Variants in PMM2 observed in about 807,000 individuals in gnomAD.
PMM2 encodes the protein mannose-6-phosphate isomerase.
PMM2 carries 35 observed loss-of-function variants against 33.2 expected under a neutral mutation model. That is an observed-to-expected ratio of 1.06 (90% CI 0.81 to 1.40). The LOEUF is 1.40. PMM2 is among the 40% of genes most tolerant of loss of function. The pLI is 0.00. For synonymous variants in PMM2, 153 were observed against 114.7 expected (o/e 1.33, Z -2.13); for missense variants, 386 against 306.0 (o/e 1.26, Z -1.95).
chr16:8,848,499 G>A lies in PMM2; in HGVS notation c.*674G>A, dbSNP rs886052465. The stretch of plus-strand genomic sequence containing the variant: ...TTTGCACCTCGGCTGGGCCGGATTC[G>A]GACCGGCTCTGTGTTCACTACACTC... On this transcript the variant is annotated 3_prime_UTR_variant, in exon 8 of 8. Coordinates refer to ENST00000268261, the MANE Select transcript of PMM2 (RefSeq NM_000303.3). 2 of 154,842 alleles carry A rather than the reference G, an allele frequency of 1.3e-5. No homozygotes were observed. Among genetic ancestry groups the A allele is most frequent in the Admixed American group, 6.3e-5 (1 of 15,918 alleles). The allele number at this position is 154,842 out of a possible 1,614,324, so 9.6% of individuals were successfully genotyped here. A position where few individuals can be genotyped will look rare whatever the true frequency, so the allele number is the denominator to read the frequency against.
Position 8,811,170 on chromosome 16 carries a change from C to T in PMM2, c.439C>T (p.Leu147Phe), listed in dbSNP as rs1249269689. The stretch of plus-strand genomic sequence containing the variant: ...AGAAGAACGCATTGAGTTCTACGAA[C>T]TCGATAAAGTACGTCTTTCTGAAAT... ...SQEERIEFYE[L>F]DKKENIRQKF... is the part of the protein sequence containing the mutation. Residue 147 changes from leucine (L) to phenylalanine (F), a missense_variant, in exon 5 of 8, where the codon CTC becomes TTC. Leu to Phe is a conservative substitution (Grantham distance 22). Coordinates refer to ENST00000268261, the MANE Select transcript of PMM2 (RefSeq NM_000303.3). 6.4e-7 allele frequency: 1 copy of T among 1,555,854 alleles called. No homozygotes were observed. Among genetic ancestry groups the T allele is most frequent in the South Asian group, 1.2e-5 (1 of 85,730 alleles).
chr16:8,838,447 AT>A (rs2060867077), intron 7 of PMM2, among the ~76,000 whole-genome samples: 1 of 151,850 alleles, frequency 6.6e-6, no homozygotes. Flanking sequence ...GTGTTGAAGT[AT>A]TGGGGCGGTG....
chr16:8,824,369 G>T (rs2060754337), intron 7 of PMM2, among the ~76,000 whole-genome samples: 1 of 152,028 alleles, frequency 6.6e-6, no homozygotes, highest in Non-Finnish European at 1.5e-5. Context: ...ACTGCCTGTG[G>T]GTAACAAAAG....
chr16:8,802,100 A>T (rs868332244), intron 2 of PMM2, 190 bp downstream of exon 2: 8 of 579,076 alleles, frequency 1.4e-5, no homozygotes, highest in Admixed American at 1.3e-4. Flanking sequence ...GGAGTTACTG[A>T]TGGAGAACTG....
Position 8,842,980 on chromosome 16 carries a change from G to A in PMM2, c.640-4744G>A, listed in dbSNP as rs914684222. On this transcript the variant is annotated intron_variant, in intron 7 of 7. Transcript: ENST00000268261. ...GAGGAAGACGCAAAGGAGGCTTTGG[G>A]TTGGGGAGAAGGGCGGCAATGAGAT... Among the ~76,000 whole-genome samples, 1 of 152,180 alleles carries A rather than the reference G, an allele frequency of 6.6e-6. No individual in the cohort carries two copies. Among genetic ancestry groups the A allele is most frequent in the Non-Finnish European group, 1.5e-5 (1 of 68,044 alleles).
chr16:8,824,827 A>C (rs2060757640), intron 7 of PMM2, among the ~76,000 whole-genome samples: 1 of 152,226 alleles, frequency 6.6e-6, no homozygotes, highest in Non-Finnish European at 1.5e-5. Context: ...GATAGAGAGA[A>C]GACTCAGCTT....
intron 4 of PMM2, 40 bp downstream of exon 4, chr16:8,806,447 G>C (rs142123453): frequency 8.2e-7 from 1 of 1,217,946 alleles, no homozygotes; most frequent in Non-Finnish European, 1.2e-6. Flanking sequence ...CAGGAACATA[G>C]CGTAGTGTCA....
At chr16:8,810,830 T>G in intron 4 of PMM2, 1 of 542,592 alleles carries the variant, frequency 1.8e-6, no homozygotes. Flanking sequence ...ATATACAACA[T>G]GATTGATGCA....
intron 7 of PMM2, among the ~76,000 whole-genome samples, chr16:8,836,665 A>T (rs937214723): frequency 1.3e-5 from 2 of 152,048 alleles, no homozygotes; most frequent in Non-Finnish European, 2.9e-5. Flanking sequence ...TTTGAGGGCC[A>T]GATTCTAATT....
chr16:8,832,546 G>C (rs2060816916), intron 7 of PMM2: 1 of 985,418 alleles, frequency 1.0e-6, no homozygotes, highest in Non-Finnish European at 1.2e-6. Context: ...CCTAGCAACT[G>C]TCAGGGGACT....
Position 8,805,259 on chromosome 16 carries a change from G to C in PMM2, c.255+416G>C, listed in dbSNP as rs143469252. ...ATTTTTGTATTTTTGGTAGAGACAG[G>C]GTTTCACCATGTTGGCCAGGCTGAT... On this transcript the variant is annotated intron_variant, in intron 3 of 7. Coordinates refer to ENST00000268261, the MANE Select transcript of PMM2 (RefSeq NM_000303.3). 3.7e-3 allele frequency among the ~76,000 whole-genome samples: 563 copies of C among 152,228 alleles called. 4 individuals carry two copies. Among genetic ancestry groups the C allele is most frequent in the African/African-American group, 0.013 (537 of 41,520 alleles).
At position 8,834,357 on chromosome 16, in the gene PMM2, C is replaced by T. The variant is rs560363827; in HGVS notation, c.640-13367C>T. ...GTGATTTGACTAGTAAAGGCTGGTC[C>T]GTTATCAGACTGTATAGAGGTGGGA... On this transcript the variant is annotated intron_variant, in intron 7 of 7. Transcript: ENST00000268261. Among the ~76,000 whole-genome samples the T allele has an allele frequency of 9.0e-3, 1,363 of 151,498 alleles. 16 individuals are homozygous for T. Among genetic ancestry groups the T allele is most frequent in the African/African-American group, 0.031 (1,290 of 41,304 alleles).
At chr16:8,839,434 G>T (rs2060874716) in intron 7 of PMM2, among the ~76,000 whole-genome samples, 1 of 151,960 alleles carries the variant, frequency 6.6e-6, no homozygotes, top group Non-Finnish European at 1.5e-5. Flanking sequence ...GGGACTGATG[G>T]GGTAACTGCA....
intron 1 of PMM2, among the ~76,000 whole-genome samples, chr16:8,798,854 G>T (rs1478218382): frequency 6.6e-6 from 1 of 152,122 alleles, no homozygotes; most frequent in Admixed American, 6.5e-5. Context: ...TTTTCGCTTG[G>T]TGGTAACAAT....
At chr16:8,832,642 T>C (rs1263027323) in intron 7 of PMM2, 2 of 985,318 alleles carry the variant, frequency 2.0e-6, no homozygotes, top group East Asian at 2.3e-4. Context: ...AGGAGCCTCC[T>C]AACTGCTCCC....
At chr16:8,837,388 T>C (rs2141042955) in intron 7 of PMM2, among the ~76,000 whole-genome samples, 1 of 151,768 alleles carries the variant, frequency 6.6e-6, no homozygotes. Context: ...TTTATTTAGG[T>C]TTTAGGTCAG....
At chr16:8,805,924 TTAGTAG>T (rs1567158341) in intron 3 of PMM2, among the ~76,000 whole-genome samples, 2 of 152,168 alleles carry the variant, frequency 1.3e-5, no homozygotes, top group African/African-American at 4.8e-5. Context: ...TGTGTAGCTC[TTAGTAG>T]TAGTAAGATC....
intron 7 of PMM2, among the ~76,000 whole-genome samples, chr16:8,816,738 T>A (rs2060710695): frequency 6.6e-6 from 1 of 152,062 alleles, no homozygotes; most frequent in African/African-American, 2.4e-5. Flanking sequence ...CGAAACTCGG[T>A]CTCAAAAAGA....
At chr16:8,841,731 T>G (rs544434157) in intron 7 of PMM2, among the ~76,000 whole-genome samples, 1 of 112,036 alleles carries the variant, frequency 8.9e-6, no homozygotes, top group African/African-American at 3.1e-5. Context: ...TATGGGGAAA[T>G]GGGGTGAATG....
Sources: allele counts gnomAD v4.1 joint callset (sites outside exome capture counted in the v4.1 genomes callset), GRCh38; gene constraint gnomAD v4.1.1; transcripts MANE v1.5; gene names NCBI Gene and HGNC (gene_info 2026-07-23, HGNC 2026-07-21).